FOXN3: variants seen among roughly 807,000 people sequenced by gnomAD.
FOXN3 encodes forkhead box N3.
In FOXN3, 7 loss-of-function variants were observed where a neutral mutation model predicts 38.4. That is an observed-to-expected ratio of 0.18 (90% CI 0.10 to 0.34). FOXN3 has a LOEUF of 0.34. Among genes scored for constraint, FOXN3 ranks in the 10% least tolerant of loss-of-function variants. FOXN3 has a pLI of 1.00. For synonymous variants in FOXN3, 230 were observed against 242.2 expected, an observed-to-expected ratio of 0.95 and a Z score of 0.47; for missense variants, 456 against 613.4, an observed-to-expected ratio of 0.74 and a Z score of 2.71.
At chr14:89,325,927 C>T (rs577877411) in intron 3 of FOXN3, among the ~76,000 whole-genome samples, 92 of 152,278 alleles carry the variant, frequency 6.0e-4, no homozygotes, top group African/African-American at 2.0e-3. Context: ...ACAGGTCTGG[C>T]GTCTCCCAAC....
At position 89,406,732 on chromosome 14, in the gene FOXN3, C is replaced by G. The variant is rs17125854; in HGVS notation, c.543+5202G>C. Among the ~76,000 whole-genome samples, 305 of 151,590 alleles carry G rather than the reference C, an allele frequency of 2.0e-3. 2 individuals are homozygous for G. Among genetic ancestry groups the G allele is most frequent in the African/African-American group, 6.7e-3 (278 of 41,382 alleles). On this transcript the variant is annotated intron_variant, in intron 2 of 5. Transcript: ENST00000557258. ...TTTGTACAGTGTTTCCTTTATAAAC[C>G]CTTTGATGACAATGTTTTTTGTTCA...
chr14:89,383,693 C>CTCCTT (rs1377432254), intron 2 of FOXN3, among the ~76,000 whole-genome samples: 3 of 152,328 alleles, frequency 2.0e-5, no homozygotes, highest in African/African-American at 7.2e-5. Context: ...CTCCTCTCCT[C>CTCCTT]GTAAGGGACG....
chr14:89,396,679 A>G (rs1363431209), intron 2 of FOXN3, among the ~76,000 whole-genome samples: 1 of 152,144 alleles, frequency 6.6e-6, no homozygotes, highest in East Asian at 1.9e-4. Context: ...TAAGAATACA[A>G]AAATTAGATG....
chr14:89,423,041 G>T (rs1185229009), intron 1 of FOXN3, among the ~76,000 whole-genome samples: 1 of 152,208 alleles, frequency 6.6e-6, no homozygotes, highest in African/African-American at 2.4e-5. Flanking sequence ...CAACAAGTAA[G>T]CATCTAGCTC....
At chr14:89,319,661 T>G (rs181110852) in intron 3 of FOXN3, among the ~76,000 whole-genome samples, 2 of 152,178 alleles carry the variant, frequency 1.3e-5, no homozygotes, top group East Asian at 3.9e-4. Flanking sequence ...GGGCTAACCT[T>G]GCAAGCAGAA....
chr14:89,251,255 C>G (rs1413247681), intron 4 of FOXN3, among the ~76,000 whole-genome samples: 1 of 152,210 alleles, frequency 6.6e-6, no homozygotes, highest in Non-Finnish European at 1.5e-5. Context: ...ACAGCCACAG[C>G]ACACCCATGC....
chr14:89,565,421 A>G (rs919718656), intron 1 of FOXN3, among the ~76,000 whole-genome samples: 1 of 152,118 alleles, frequency 6.6e-6, no homozygotes, highest in African/African-American at 2.4e-5. Context: ...CTTCATGTCC[A>G]CTTTTAAGAG....
At chr14:89,435,064 A>G (rs1475157232) in intron 1 of FOXN3, among the ~76,000 whole-genome samples, 1 of 152,150 alleles carries the variant, frequency 6.6e-6, no homozygotes, top group Non-Finnish European at 1.5e-5. Context: ...TATATCCTAG[A>G]CAAGAGGGTA....
chr14:89,165,672 A>G (rs1444864708), intron 5 of FOXN3, among the ~76,000 whole-genome samples: 1 of 152,240 alleles, frequency 6.6e-6, no homozygotes, highest in African/African-American at 2.4e-5. Flanking sequence ...GGTGTCACCA[A>G]ATGTGAAACT....
intron 2 of FOXN3, among the ~76,000 whole-genome samples, chr14:89,375,778 A>AT (rs1043640813): frequency 4.6e-5 from 7 of 151,892 alleles, no homozygotes; most frequent in South Asian, 2.1e-4. Context: ...ATTTTATTTT[A>AT]TTTTTTTTGA....
intron 1 of FOXN3, among the ~76,000 whole-genome samples, chr14:89,466,314 G>A (rs922842357): frequency 9.2e-5 from 14 of 152,124 alleles, no homozygotes; most frequent in African/African-American, 1.2e-4. Flanking sequence ...CCCGGGGGCC[G>A]CCATTTTGCT....
chr14:89,591,298 C>G (rs1487745488), intron 1 of FOXN3, among the ~76,000 whole-genome samples: 1 of 152,146 alleles, frequency 6.6e-6, no homozygotes, highest in African/African-American at 2.4e-5. Context: ...AGCTAAACTT[C>G]GTGCACTGAA....
chr14:89,233,597 T>C (rs919816532), intron 4 of FOXN3, among the ~76,000 whole-genome samples: 1 of 152,212 alleles, frequency 6.6e-6, no homozygotes, highest in Non-Finnish European at 1.5e-5. Context: ...TTATGATCTG[T>C]CATCCCCCTC....
chr14:89,241,687 T>C (rs1885144409), intron 4 of FOXN3, among the ~76,000 whole-genome samples: 1 of 152,210 alleles, frequency 6.6e-6, no homozygotes, highest in African/African-American at 2.4e-5. Context: ...AAATAGTTTT[T>C]TGGGATTCTC....
chr14:89,373,459 T>G (rs1018653827), intron 2 of FOXN3, among the ~76,000 whole-genome samples: 10 of 145,984 alleles, frequency 6.9e-5, no homozygotes, highest in Non-Finnish European at 1.4e-4. Context: ...AAGCAGAAAG[T>G]CTTTTTGGGG....
chr14:89,536,918 G>C (rs1221726621), intron 1 of FOXN3, among the ~76,000 whole-genome samples: 2 of 152,130 alleles, frequency 1.3e-5, no homozygotes, highest in African/African-American at 4.8e-5. Flanking sequence ...AAATTATAAA[G>C]AAGTATAAAA....
At chr14:89,433,823 A>C (rs899125068) in intron 1 of FOXN3, among the ~76,000 whole-genome samples, 3 of 152,182 alleles carry the variant, frequency 2.0e-5, no homozygotes, top group Non-Finnish European at 4.4e-5. Context: ...AAAAAAAAAA[A>C]AAGAAAAGAA....
At chr14:89,368,351 C>A in intron 2 of FOXN3, among the ~76,000 whole-genome samples, 1 of 140,094 alleles carries the variant, frequency 7.1e-6, no homozygotes, top group African/African-American at 2.7e-5. Context: ...AAAAAGAACA[C>A]CGAATCCCTG....
intron 4 of FOXN3, among the ~76,000 whole-genome samples, chr14:89,278,229 G>A (rs1029583452): frequency 1.2e-4 from 19 of 152,118 alleles, no homozygotes; most frequent in Non-Finnish European, 2.4e-4. Flanking sequence ...GACAGACAAG[G>A]GAGAATGAAA....
Sources: allele counts gnomAD v4.1 joint callset (sites outside exome capture counted in the v4.1 genomes callset), GRCh38; gene constraint gnomAD v4.1.1; transcripts MANE v1.5; gene names NCBI Gene and HGNC (gene_info 2026-07-23, HGNC 2026-07-21).